Variants in SMCHD1 observed in about 807,000 individuals in gnomAD.
SMCHD1 encodes the protein structural maintenance of chromosomes flexible hinge domain containing 1.
SMCHD1 carries 78 observed loss-of-function variants against 254.7 expected under a neutral mutation model. The observed-to-expected ratio is 0.31, with a 90% CI of 0.26 to 0.37. The LOEUF (loss-of-function observed/expected upper bound fraction) is 0.37, where lower values mean the gene tolerates loss of function less well. Ranked by LOEUF, SMCHD1 falls within the 10% of genes least tolerant of loss-of-function variation. The probability of loss-of-function intolerance (pLI) is 1.00; values close to 1 mark genes in which losing one functional copy is unlikely to be tolerated. For missense variants in SMCHD1, 1,840 were observed against 2,408.1 expected (o/e 0.76, Z 4.94); for synonymous variants, 766 against 794.9 (o/e 0.96, Z 0.61).
chr18:2,766,691 T>C (rs1220166902), intron 37 of SMCHD1, among the ~76,000 whole-genome samples: 1 of 152,258 alleles, frequency 6.6e-6, no homozygotes, highest in Non-Finnish European at 1.5e-5. Flanking sequence ...GTTTGTTAAT[T>C]GTGCTATTCA....
At chr18:2,736,242 T>C (rs544130105) in intron 25 of SMCHD1, among the ~76,000 whole-genome samples, 1 of 152,316 alleles carries the variant, frequency 6.6e-6, no homozygotes, top group African/African-American at 2.4e-5. Context: ...CCTTTTACCA[T>C]ATACAAAAAT....
At chr18:2,760,783 C>CT (rs535680922) in intron 35 of SMCHD1, 44 bp downstream of exon 35, 1,557 of 1,128,374 alleles carry the variant, frequency 1.4e-3, no homozygotes, top group East Asian at 2.5e-3. Flanking sequence ...TTTACATTTT[C>CT]TTTTTTTTTC....
intron 45 of SMCHD1, among the ~76,000 whole-genome samples, chr18:2,794,820 C>CTT (rs774744115): frequency 6.6e-6 from 1 of 152,142 alleles, no homozygotes; most frequent in Non-Finnish European, 1.5e-5. Flanking sequence ...ACCTTCCAGC[C>CTT]TTTTGTCTAT....
intron 17 of SMCHD1, among the ~76,000 whole-genome samples, chr18:2,709,146 G>A (rs567371065): frequency 6.7e-6 from 1 of 149,586 alleles, no homozygotes; most frequent in South Asian, 2.1e-4. Context: ...TGTCTGGCCT[G>A]TTTCGCTTAG....
intron 1 of SMCHD1, among the ~76,000 whole-genome samples, chr18:2,658,040 G>A (rs1164169215): frequency 1.3e-5 from 2 of 151,868 alleles, no homozygotes; most frequent in Non-Finnish European, 2.9e-5. Flanking sequence ...AGATCCACCC[G>A]CCTCCCAAAG....
Position 2,795,905 on chromosome 18 carries a change from T to A in SMCHD1, c.5720-44T>A, listed in dbSNP as rs775435060. 3.3e-6 allele frequency: 5 copies of A among 1,519,258 alleles called. No individual in the cohort carries two copies. The African/African-American group carries it at 6.9e-5, about 21-fold the overall frequency. 94.1% of individuals were successfully genotyped at this position (1,519,258 alleles called of 1,614,324 possible). ...TTTTTCCCCTAAAACATGAGTTTGG[T>A]TTAATAGCAGTAATTTAATCAAATG... On this transcript the variant is annotated intron_variant, in intron 45 of 47. Transcript: ENST00000320876.
chr18:2,669,988 T>C (rs926121936), intron 3 of SMCHD1, among the ~76,000 whole-genome samples: 1 of 152,238 alleles, frequency 6.6e-6, no homozygotes, highest in African/African-American at 2.4e-5. Flanking sequence ...TTTCTATTGC[T>C]ACCACCTGGT....
At chr18:2,722,757 A>G (rs2074952450) in intron 20 of SMCHD1, 94 bp downstream of exon 20, 3 of 1,058,536 alleles carry the variant, frequency 2.8e-6, no homozygotes, top group Non-Finnish European at 3.9e-6. Flanking sequence ...TAAGGTGTTC[A>G]ACTTTAATTA....
At chr18:2,681,310 G>A (rs2073918494) in intron 5 of SMCHD1, among the ~76,000 whole-genome samples, 1 of 151,526 alleles carries the variant, frequency 6.6e-6, no homozygotes, top group Non-Finnish European at 1.5e-5. Context: ...CTGCTCAGGA[G>A]GCTGAGACAG....
intron 42 of SMCHD1, among the ~76,000 whole-genome samples, chr18:2,777,064 C>CG (rs1377005441): frequency 1.5e-5 from 1 of 67,388 alleles, no homozygotes; most frequent in Admixed American, 1.8e-4. Context: ...CCACCACCTC[C>CG]CCCCCCCATA....
At chr18:2,760,406 TG>T (rs1318911031) in intron 34 of SMCHD1, 1 of 297,126 alleles carries the variant, frequency 3.4e-6, no homozygotes, top group Non-Finnish European at 6.3e-6. Flanking sequence ...TTCATATTCC[TG>T]TTCTTTCAAT....
At chr18:2,667,163 A>G in intron 3 of SMCHD1, 132 bp downstream of exon 3, 1 of 689,118 alleles carries the variant, frequency 1.5e-6, no homozygotes, top group South Asian at 2.0e-5. Flanking sequence ...TTTCTTTCTT[A>G]CTCAAATTCA....
At chr18:2,729,144 C>G in intron 23 of SMCHD1, 131 bp from the exon 24 acceptor site, 1 of 659,288 alleles carries the variant, frequency 1.5e-6, no homozygotes, top group South Asian at 4.3e-5. Flanking sequence ...GTTTTAGTGA[C>G]TTTTACTTAG....
chr18:2,761,678 G>A (rs1224682225), intron 35 of SMCHD1, among the ~76,000 whole-genome samples: 9 of 152,052 alleles, frequency 5.9e-5, no homozygotes, highest in African/African-American at 1.2e-4. Flanking sequence ...TCATCTGGGC[G>A]TGGTGGGCGC....
intron 35 of SMCHD1, 47 bp from the exon 36 acceptor site, chr18:2,762,058 A>G (rs1274453818): frequency 2.6e-6 from 4 of 1,536,390 alleles, no homozygotes; most frequent in Admixed American, 3.5e-5. Flanking sequence ...CTTAAATGCT[A>G]AAGCATCAAT....
At chr18:2,771,440 A>G in intron 39 of SMCHD1, 93 bp from the exon 40 acceptor site, 1 of 927,222 alleles carries the variant, frequency 1.1e-6, no homozygotes, top group Non-Finnish European at 1.6e-6. Context: ...AGACATTAAA[A>G]GGAAAAAACA....
chr18:2,772,653 G>A (rs953641197), intron 41 of SMCHD1, among the ~76,000 whole-genome samples: 1 of 152,178 alleles, frequency 6.6e-6, no homozygotes, highest in Non-Finnish European at 1.5e-5. Flanking sequence ...TGTTTTTGGA[G>A]GGGGAGACAG....
At chr18:2,661,397 A>G (rs368457712) in intron 1 of SMCHD1, among the ~76,000 whole-genome samples, 1 of 152,324 alleles carries the variant, frequency 6.6e-6, no homozygotes, top group South Asian at 2.1e-4. Flanking sequence ...TAGATTAAAA[A>G]TCTATGGGTT....
intron 37 of SMCHD1, among the ~76,000 whole-genome samples, chr18:2,765,208 C>G (rs1284161385): frequency 6.6e-6 from 1 of 151,652 alleles, no homozygotes; most frequent in African/African-American, 2.4e-5. Flanking sequence ...TTAGAACTTG[C>G]CTTTGTTTAT....
Sources: gnomAD v4.1 joint callset for allele counts (sites outside exome capture counted in the v4.1 genomes callset) on GRCh38, gnomAD v4.1.1 for gene constraint, MANE v1.5 for transcripts, NCBI Gene and HGNC (gene_info 2026-07-23, HGNC 2026-07-21) for gene names.